The following DTWD2 variants were observed in gnomAD, a reference collection of about 807,000 sequenced individuals.
DTWD2 encodes the protein DTW motif tRNA-uridine aminocarboxypropyltransferase 2.
Under a neutral mutation model 31.8 loss-of-function variants are expected in DTWD2, and 39 were observed. That is an observed-to-expected ratio of 1.22 (90% CI 0.95 to 1.60). The LOEUF (loss-of-function observed/expected upper bound fraction) is 1.60, where lower values mean the gene tolerates loss of function less well. DTWD2 is among the 40% of genes most tolerant of loss of function. The pLI, the probability that DTWD2 is intolerant of heterozygous loss-of-function variation, is 0.00. For missense variants in DTWD2, 515 were observed against 381.5 expected, an observed-to-expected ratio of 1.35 and a Z score of -2.92; for synonymous variants, 180 against 142.8, an observed-to-expected ratio of 1.26 and a Z score of -1.86.
intron 1 of DTWD2, among the ~76,000 whole-genome samples, chr5:118,967,193 TA>T (rs1279851942): frequency 6.6e-6 from 1 of 151,884 alleles, no homozygotes; most frequent in Non-Finnish European, 1.5e-5. Context: ...GTCAAAGAAA[TA>T]AACTACAATT....
intron 1 of DTWD2, among the ~76,000 whole-genome samples, chr5:118,953,000 CCTCT>C (rs1175920716): frequency 6.6e-6 from 1 of 152,094 alleles, no homozygotes; most frequent in Non-Finnish European, 1.5e-5. Flanking sequence ...GATGATGAAC[CCTCT>C]AAGAGCAGAG....
chr5:118,884,290 C>G (rs2149556127), intron 4 of DTWD2, among the ~76,000 whole-genome samples: 1 of 152,296 alleles, frequency 6.6e-6, no homozygotes, highest in Non-Finnish European at 1.5e-5. Context: ...ATTCTTCACT[C>G]CCATTGGCTA....
intron 4 of DTWD2, among the ~76,000 whole-genome samples, chr5:118,888,626 T>C (rs190593808): frequency 1.0e-3 from 157 of 152,308 alleles, no homozygotes; most frequent in Non-Finnish European, 2.0e-3. Context: ...TATCTAGGAG[T>C]GAAATGGCTG....
At chr5:118,979,167 G>A (rs910938113) in intron 1 of DTWD2, among the ~76,000 whole-genome samples, 1 of 152,116 alleles carries the variant, frequency 6.6e-6, no homozygotes, top group African/African-American at 2.4e-5. Flanking sequence ...AGCCAGGCAT[G>A]GTGGCGGGCA....
chr5:118,943,387 T>A (rs776756996), intron 2 of DTWD2, among the ~76,000 whole-genome samples: 33 of 152,006 alleles, frequency 2.2e-4, no homozygotes, highest in Non-Finnish European at 2.9e-4. Flanking sequence ...CCGTCTCTAC[T>A]AAAAATACAA....
chr5:118,924,072 ACTC>A (rs1011773712), intron 4 of DTWD2, among the ~76,000 whole-genome samples: 8 of 152,054 alleles, frequency 5.3e-5, no homozygotes, highest in African/African-American at 1.9e-4. Context: ...CTCCAGGAAA[ACTC>A]CTCTGGTTGA....
rs926298256 is a variant in DTWD2, at chr5:118,837,084, A to G, written c.*3833T>C. ...TAAGGATGTATGAGTATTTGTATAAATAACAACAGCTAGTACATACAATAA... is the reference window on the plus strand; with the variant it reads ...TAAGGATGTATGAGTATTTGTATAAGTAACAACAGCTAGTACATACAATAA... On this transcript the variant is annotated 3_prime_UTR_variant, in exon 6 of 6. Coordinates refer to ENST00000510708, the MANE Select transcript of DTWD2 (RefSeq NM_173666.4). 2.6e-5 allele frequency among the ~76,000 whole-genome samples: 4 copies of G among 152,242 alleles called. No homozygotes were observed. The highest frequency in any genetic ancestry group is 9.6e-5 in the African/African-American group (4 of 41,464).
intron 4 of DTWD2, among the ~76,000 whole-genome samples, chr5:118,897,029 C>T (rs1034164825): frequency 2.0e-5 from 3 of 152,156 alleles, no homozygotes; most frequent in African/African-American, 7.2e-5. Context: ...TGCTTTAAGA[C>T]AACATTTTGT....
chr5:118,966,094 G>C (rs568435202), intron 1 of DTWD2, among the ~76,000 whole-genome samples: 1 of 152,184 alleles, frequency 6.6e-6, no homozygotes, highest in African/African-American at 2.4e-5. Flanking sequence ...ATCAGCTACG[G>C]TTTGGGTGCA....
chr5:118,914,467 C>A (rs544919566), intron 4 of DTWD2, among the ~76,000 whole-genome samples: 1 of 152,124 alleles, frequency 6.6e-6, no homozygotes, highest in Non-Finnish European at 1.5e-5. Flanking sequence ...CCAAGACACA[C>A]CCATATCAAT....
intron 1 of DTWD2, chr5:118,974,027 G>A: frequency 6.2e-7 from 1 of 1,604,766 alleles, no homozygotes; most frequent in Non-Finnish European, 8.5e-7. Flanking sequence ...TGGAGATGAA[G>A]ATGAGGAAGC....
intron 1 of DTWD2, among the ~76,000 whole-genome samples, chr5:118,961,153 C>T (rs182273733): frequency 6.6e-6 from 1 of 152,220 alleles, no homozygotes; most frequent in East Asian, 1.9e-4. Flanking sequence ...ACAAACGTCT[C>T]ATGTCTAGAG....
intron 4 of DTWD2, among the ~76,000 whole-genome samples, chr5:118,903,781 AAAT>A (rs777988510): frequency 2.0e-5 from 3 of 152,054 alleles, no homozygotes; most frequent in Non-Finnish European, 4.4e-5. Context: ...AACAAAAGCG[AAAT>A]AATAAAATCT....
chr5:118,924,879 T>C lies in DTWD2; in HGVS notation c.597+3658A>G, dbSNP rs149635764. Reference sequence around the variant, plus strand: ...GTCTCTGTACTTTGGTTTCCTCATCTGTTATCTAAGATGCCAATACTTATT... The same window carrying C: ...GTCTCTGTACTTTGGTTTCCTCATCCGTTATCTAAGATGCCAATACTTATT... On this transcript the variant is annotated intron_variant, in intron 4 of 5. Coordinates refer to ENST00000510708, the MANE Select transcript of DTWD2 (RefSeq NM_173666.4). 2.4e-3 allele frequency among the ~76,000 whole-genome samples: 358 copies of C among 152,312 alleles called. 3 individuals carry two copies. Among genetic ancestry groups the C allele is most frequent in the African/African-American group, 7.9e-3 (328 of 41,554 alleles).
At chr5:118,850,477 C>CAAAAAAAAAAAAAAAAAAAAA (rs34808087) in intron 4 of DTWD2, among the ~76,000 whole-genome samples, 1 of 30,474 alleles carries the variant, frequency 3.3e-5, no homozygotes, top group African/African-American at 1.0e-4. Context: ...GACCCCACCA[C>CAAAAAAAAAAAAAAAAAAAAA]AAAAAAAAAA....
chr5:118,859,475 A>G (rs1398130528), intron 4 of DTWD2, among the ~76,000 whole-genome samples: 1 of 152,148 alleles, frequency 6.6e-6, no homozygotes, highest in Non-Finnish European at 1.5e-5. Context: ...GATCCATTCC[A>G]GACATTAATA....
At chr5:118,926,685 C>T (rs75756891) in intron 4 of DTWD2, among the ~76,000 whole-genome samples, 1 of 152,084 alleles carries the variant, frequency 6.6e-6, no homozygotes, top group Non-Finnish European at 1.5e-5. Context: ...ATCCATCTCG[C>T]CCCTTTTGTT....
chr5:118,877,431 C>T (rs1580781556), intron 4 of DTWD2, among the ~76,000 whole-genome samples: 1 of 152,034 alleles, frequency 6.6e-6, no homozygotes, highest in South Asian at 2.1e-4. Flanking sequence ...GAGATCACAC[C>T]ACTGCACTCC....
At chr5:118,972,065 G>A (rs1754999964) in intron 1 of DTWD2, among the ~76,000 whole-genome samples, 1 of 152,088 alleles carries the variant, frequency 6.6e-6, no homozygotes, top group Non-Finnish European at 1.5e-5. Flanking sequence ...AAAAGAACTA[G>A]AGAAACAAGA....
Sources: allele counts gnomAD v4.1 joint callset (sites outside exome capture counted in the v4.1 genomes callset), GRCh38; gene constraint gnomAD v4.1.1; transcripts MANE v1.5; gene names NCBI Gene and HGNC (gene_info 2026-07-23, HGNC 2026-07-21).